TNNI3K: variants seen among roughly 807,000 people sequenced by gnomAD.
TNNI3K encodes TNNI3 interacting kinase.
In TNNI3K, 140 loss-of-function variants were observed where a neutral mutation model predicts 114.5. That is an observed-to-expected ratio of 1.22 (90% confidence interval 1.07 to 1.41). The LOEUF is 1.41. Among genes scored for constraint, TNNI3K ranks in the 40% most tolerant of loss-of-function variants. The probability of loss-of-function intolerance (pLI) is 0.00; values close to 1 mark genes in which losing one functional copy is unlikely to be tolerated. For synonymous variants in TNNI3K, 347 were observed against 347.5 expected (o/e 1.00, Z 0.02); for missense variants, 1,125 against 1,007.6 (o/e 1.12, Z -1.58).
intron 17 of TNNI3K, among the ~76,000 whole-genome samples, chr1:74,419,450 A>G (rs1665287998): frequency 1.3e-5 from 2 of 152,132 alleles, no homozygotes; most frequent in African/African-American, 4.8e-5. Context: ...CATTCAACTT[A>G]CTACACTATC....
chr1:74,379,661 A>G (rs537786907), intron 17 of TNNI3K, among the ~76,000 whole-genome samples: 22 of 152,218 alleles, frequency 1.4e-4, no homozygotes, highest in African/African-American at 5.3e-4. Flanking sequence ...GAGATTCACT[A>G]TCCAACTCTT....
chr1:74,333,523 G>T (rs1380360633), intron 6 of TNNI3K, among the ~76,000 whole-genome samples: 1 of 152,102 alleles, frequency 6.6e-6, no homozygotes, highest in Non-Finnish European at 1.5e-5. Context: ...AACTAAATTT[G>T]TTTACTTTCC....
intron 5 of TNNI3K, among the ~76,000 whole-genome samples, chr1:74,296,900 G>T (rs1432474378): frequency 1.3e-5 from 2 of 151,992 alleles, no homozygotes; most frequent in African/African-American, 4.8e-5. Flanking sequence ...TCCCAGTGAT[G>T]ATTTTCTTTT....
At position 74,331,290 on chromosome 1, in the gene TNNI3K, A is replaced by G. The variant is rs1482891524; in HGVS notation, c.445-160A>G. ...GAAATTTAGTCTTTATCTTTCATAA[A>G]AAAACAGGACACTGGAGGTCTTGGA... On this transcript the variant is annotated intron_variant, in intron 5 of 24. Transcript: ENST00000326637. Among the ~76,000 whole-genome samples, 2 of 152,214 alleles carry G rather than the reference A, an allele frequency of 1.3e-5. 1 individual carries two copies. Among genetic ancestry groups the G allele is most frequent in the East Asian group, 3.8e-4 (2 of 5,200 alleles).
chr1:74,540,092 A>G lies in TNNI3K; in HGVS notation c.2352-142A>G, dbSNP rs6656785. The G allele has an allele frequency of 0.39, 295,627 of 764,362 alleles. 62,072 individuals are homozygous for G. The highest frequency in any genetic ancestry group is 0.69 in the East Asian group (23,562 of 34,268). The allele number at this position is 764,362 out of a possible 1,614,324, so 47.3% of individuals were successfully genotyped here. A position where few individuals can be genotyped will look rare whatever the true frequency, so the allele number is the denominator to read the frequency against. Reference sequence around the variant, plus strand: ...CCAAATAATTCTGAACTCTTCCCCAACTAGTTACTGTTAAGATAAAAGCTG... The same window carrying G: ...CCAAATAATTCTGAACTCTTCCCCAGCTAGTTACTGTTAAGATAAAAGCTG... On this transcript the variant is annotated intron_variant, in intron 23 of 24. Coordinates refer to ENST00000326637, the MANE Select transcript of TNNI3K (RefSeq NM_015978.3).
chr1:74,475,757 G>C, intron 21 of TNNI3K: 1 of 644,720 alleles, frequency 1.6e-6, no homozygotes. Flanking sequence ...GCTTTGCCTT[G>C]GTGGAGTTTC....
chr1:74,250,796 C>A, intron 4 of TNNI3K, 27 bp downstream of exon 4: 2 of 1,505,986 alleles, frequency 1.3e-6, no homozygotes, highest in Non-Finnish European at 1.8e-6. Context: ...CCCATAAACA[C>A]TGCATTGGAA....
chr1:74,355,615 A>G (rs1457671833), intron 11 of TNNI3K, among the ~76,000 whole-genome samples: 2 of 152,060 alleles, frequency 1.3e-5, no homozygotes, highest in African/African-American at 4.8e-5. Context: ...AAATAAATAA[A>G]TAAATAAATA....
At chr1:74,330,334 C>A (rs1169298350) in intron 5 of TNNI3K, among the ~76,000 whole-genome samples, 1 of 152,034 alleles carries the variant, frequency 6.6e-6, no homozygotes, top group East Asian at 1.9e-4. Flanking sequence ...AGAAGTTAAT[C>A]ACAAGAGATA....
chr1:74,300,495 C>T (rs1658259017), intron 5 of TNNI3K, among the ~76,000 whole-genome samples: 1 of 152,072 alleles, frequency 6.6e-6, no homozygotes, highest in African/African-American at 2.4e-5. Flanking sequence ...GTTAGAAGAT[C>T]GAAGCAAATA....
At chr1:74,437,067 C>A (rs75536220) in intron 19 of TNNI3K, among the ~76,000 whole-genome samples, 1 of 151,964 alleles carries the variant, frequency 6.6e-6, no homozygotes, top group South Asian at 2.1e-4. Flanking sequence ...ATCCCTCCCC[C>A]TGAAAAAAAG....
chr1:74,405,524 C>T (rs558307463), intron 17 of TNNI3K, among the ~76,000 whole-genome samples: 13 of 152,070 alleles, frequency 8.5e-5, no homozygotes, highest in African/African-American at 2.7e-4. Context: ...AACTGATATG[C>T]GGAGAACTAG....
At chr1:74,459,180 C>T (rs1409150728) in intron 20 of TNNI3K, among the ~76,000 whole-genome samples, 1 of 152,092 alleles carries the variant, frequency 6.6e-6, no homozygotes, top group East Asian at 1.9e-4. Flanking sequence ...AAAATAATGT[C>T]CATTGCAGCA....
chr1:74,339,236 G>A (rs11809715), intron 7 of TNNI3K, among the ~76,000 whole-genome samples: 288 of 152,152 alleles, frequency 1.9e-3, no homozygotes, highest in African/African-American at 6.0e-3. Flanking sequence ...TTTGTTGCAC[G>A]CAAGTATTAC....
At chr1:74,304,510 A>G (rs545011018) in intron 5 of TNNI3K, among the ~76,000 whole-genome samples, 3 of 152,224 alleles carry the variant, frequency 2.0e-5, no homozygotes, top group South Asian at 2.1e-4. Context: ...TGGCACAATC[A>G]TGGCTCACCG....
At position 74,336,051 on chromosome 1, in the gene TNNI3K, T is replaced by TGCTGATGTA; in HGVS notation, c.584_585insGCTGATGTA (p.Val195_Ser196insLeuMetTer). On this transcript the variant is annotated stop_gained and inframe_insertion, in exon 7 of 25. Transcript: ENST00000326637. LOFTEE classifies it high-confidence loss of function. ...TTGAAATTTGGTGCTGATGTAAATG[T>TGCTGATGTA]AAGTGGTGAAGTTGGAGATAGACCC... 1 of 1,596,958 alleles carries TGCTGATGTA rather than the reference T, an allele frequency of 6.3e-7. No homozygotes were observed. Among genetic ancestry groups the TGCTGATGTA allele is most frequent in the Non-Finnish European group, 8.5e-7 (1 of 1,175,252 alleles).
At chr1:74,535,325 G>T (rs1480742116) in intron 23 of TNNI3K, among the ~76,000 whole-genome samples, 1 of 152,004 alleles carries the variant, frequency 6.6e-6, no homozygotes, top group Admixed American at 6.6e-5. Flanking sequence ...CAAAAAATTA[G>T]CCAGGCATGG....
intron 9 of TNNI3K, among the ~76,000 whole-genome samples, chr1:74,350,508 A>G (rs1045076139): frequency 1.3e-5 from 2 of 152,104 alleles, no homozygotes; most frequent in African/African-American, 4.8e-5. Flanking sequence ...GCTGAGTTCA[A>G]TTCCTGGATA....
At chr1:74,423,178 T>C (rs1396337328) in intron 17 of TNNI3K, among the ~76,000 whole-genome samples, 2 of 143,438 alleles carry the variant, frequency 1.4e-5, no homozygotes, top group African/African-American at 2.5e-5. Flanking sequence ...CTCCCAGCCC[T>C]CCCACAGGTA....
Sources: allele counts gnomAD v4.1 joint callset (sites outside exome capture counted in the v4.1 genomes callset), GRCh38; gene constraint gnomAD v4.1.1; transcripts MANE v1.5; gene names NCBI Gene and HGNC (gene_info 2026-07-23, HGNC 2026-07-21).